The following LEMD3 variants were observed in gnomAD, a reference collection of about 807,000 sequenced individuals.
LEMD3 encodes the protein LEM domain containing 3.
LEMD3 carries 33 observed loss-of-function variants against 95.2 expected under a neutral mutation model. The observed-to-expected ratio is 0.35, with a 90% CI of 0.26 to 0.46. LEMD3 has a LOEUF of 0.46. Ranked by LOEUF, LEMD3 falls within the 20% of genes least tolerant of loss-of-function variation. The pLI is 1.00. For missense variants in LEMD3, 1,210 were observed against 1,192.8 expected (o/e 1.01, Z -0.21); for synonymous variants, 525 against 474.6 (o/e 1.11, Z -1.38).
chr12:65,235,600 T>C (rs12297011), intron 4 of LEMD3, among the ~76,000 whole-genome samples: 4,615 of 152,218 alleles, frequency 0.03, 234 homozygotes, highest in African/African-American at 0.11. Flanking sequence ...TTAGGTGTTA[T>C]AAGTAATCTA....
At chr12:65,231,002 G>C (rs1021494265) in intron 4 of LEMD3, among the ~76,000 whole-genome samples, 2 of 151,976 alleles carry the variant, frequency 1.3e-5, no homozygotes, top group Non-Finnish European at 2.9e-5. Context: ...GTAGCCTTTA[G>C]AAGATTTTTT....
chr12:65,172,690 CTG>C (rs1868590822), intron 1 of LEMD3, among the ~76,000 whole-genome samples: 1 of 151,626 alleles, frequency 6.6e-6, no homozygotes, highest in Non-Finnish European at 1.5e-5. Flanking sequence ...CTATCTGCAT[CTG>C]TGTCTCTAAC....
At chr12:65,213,522 G>A (rs1305313031) in intron 2 of LEMD3, among the ~76,000 whole-genome samples, 1 of 152,118 alleles carries the variant, frequency 6.6e-6, no homozygotes. Flanking sequence ...ACCGCACCCG[G>A]CCTTAAATAA....
chr12:65,241,085 A>G lies in LEMD3; in HGVS notation c.2303A>G (p.Gln768Arg). The part of the protein sequence containing the change: ...LVIPSKVWQG[Q>R]AFHLDRRNSP... ...ATACCTTCTAAAGTATGGCAAGGTC[A>G]AGGTATGTATTTTTAAACATCAAAA... The change falls in exon 9 of 13, where the codon CAA (glutamine) becomes CGA (arginine). Residue 768 changes from glutamine to arginine, a missense_variant and splice_region_variant. Around this residue, in one of 2 missense-constraint regions of LEMD3, gnomAD observed 461 missense variants for 569.8 expected, o/e 0.81. Coordinates refer to ENST00000308330, the MANE Select transcript of LEMD3 (RefSeq NM_014319.5). 6.2e-7 allele frequency: 1 copy of G among 1,613,138 alleles called. No homozygotes were observed.
intron 9 of LEMD3, among the ~76,000 whole-genome samples, chr12:65,241,700 G>C (rs1208496279): frequency 1.3e-5 from 2 of 152,128 alleles, no homozygotes; most frequent in African/African-American, 4.8e-5. Context: ...AGAAAACAAT[G>C]CATCAGAAAA....
intron 4 of LEMD3, among the ~76,000 whole-genome samples, chr12:65,221,475 G>A (rs1870285811): frequency 6.6e-6 from 1 of 151,422 alleles, no homozygotes; most frequent in Non-Finnish European, 1.5e-5. Flanking sequence ...CTCCTGCCTT[G>A]GCCTCCTAAA....
At chr12:65,235,626 A>G (rs934544707) in intron 4 of LEMD3, among the ~76,000 whole-genome samples, 1 of 152,162 alleles carries the variant, frequency 6.6e-6, no homozygotes, top group Non-Finnish European at 1.5e-5. Context: ...GATTTAAAGT[A>G]TAAAGAATGA....
At chr12:65,237,617 C>T (rs914135711) in intron 4 of LEMD3, among the ~76,000 whole-genome samples, 3 of 152,150 alleles carry the variant, frequency 2.0e-5, no homozygotes, top group Non-Finnish European at 4.4e-5. Context: ...ATGCATTGGT[C>T]ATTTTCAGAT....
At chr12:65,242,129 C>T (rs1248974440) in intron 9 of LEMD3, among the ~76,000 whole-genome samples, 1 of 152,176 alleles carries the variant, frequency 6.6e-6, no homozygotes, top group African/African-American at 2.4e-5. Context: ...ATAGAGAATT[C>T]CTTATTTTAC....
intron 4 of LEMD3, among the ~76,000 whole-genome samples, chr12:65,228,399 TTTA>T (rs148447009): frequency 6.7e-5 from 10 of 148,382 alleles, no homozygotes; most frequent in African/African-American, 2.2e-4. Flanking sequence ...TATTTATTTA[TTTA>T]TTTTTTTTTT....
chr12:65,182,173 G>A (rs1283755489), intron 1 of LEMD3, among the ~76,000 whole-genome samples: 1 of 152,068 alleles, frequency 6.6e-6, no homozygotes, highest in Non-Finnish European at 1.5e-5. Context: ...TAACTACCAG[G>A]CAGCAGTAGA....
intron 4 of LEMD3, among the ~76,000 whole-genome samples, chr12:65,227,089 CAG>C (rs1306522942): frequency 1.3e-5 from 2 of 151,928 alleles, no homozygotes; most frequent in African/African-American, 4.8e-5. Context: ...TTATAGGGCT[CAG>C]TGTTATGGGA....
At chr12:65,238,457 G>A (rs765708529) in intron 4 of LEMD3, 45 bp from the exon 5 acceptor site, 22 of 1,196,988 alleles carry the variant, frequency 1.8e-5, no homozygotes, top group South Asian at 1.2e-4. Flanking sequence ...ACAGAGAGTC[G>A]AATGTAGATT....
In LEMD3 at chr12:65,246,299, C is replaced by T. The variant is rs1454140114; in HGVS notation, c.2710C>T (p.Leu904=). 1.2e-6 allele frequency: 2 copies of T among 1,613,310 alleles called. No homozygotes were observed. Residue 904 remains leucine, a synonymous_variant, in exon 13 of 13, where the codon CTA becomes TTA. Coordinates refer to ENST00000308330, the MANE Select transcript of LEMD3 (RefSeq NM_014319.5). ...GTCTCATCTTCGTCTTCGGACTGGC[C>T]TAACCAATTCTCAAGGAAGTTCCTG... ...SMSHLRLRTG[L]TNSQGSS is the part of the protein sequence containing the mutation.
At chr12:65,194,274 G>C (rs2136326302) in intron 1 of LEMD3, among the ~76,000 whole-genome samples, 1 of 152,268 alleles carries the variant, frequency 6.6e-6, no homozygotes, top group African/African-American at 2.4e-5. Context: ...CTGTTGCCCA[G>C]ATAGAGCTGA....
chr12:65,200,450 AC>A (rs1272843043), intron 1 of LEMD3, among the ~76,000 whole-genome samples: 4 of 152,164 alleles, frequency 2.6e-5, no homozygotes, highest in Non-Finnish European at 4.4e-5. Context: ...AACACCAAGA[AC>A]CAGGATGACT....
At chr12:65,229,125 C>T (rs985402940) in intron 4 of LEMD3, among the ~76,000 whole-genome samples, 1 of 152,068 alleles carries the variant, frequency 6.6e-6, no homozygotes, top group Non-Finnish European at 1.5e-5. Flanking sequence ...ATTTGTCTTC[C>T]ACAAGTGAGA....
intron 10 of LEMD3, among the ~76,000 whole-genome samples, chr12:65,244,946 G>A (rs953716415): frequency 2.0e-5 from 3 of 152,004 alleles, no homozygotes; most frequent in Non-Finnish European, 2.9e-5. Context: ...GCGAGACCCT[G>A]TCTCAAATAA....
chr12:65,232,860 A>G (rs192889323), intron 4 of LEMD3, among the ~76,000 whole-genome samples: 3 of 152,302 alleles, frequency 2.0e-5, no homozygotes, highest in Admixed American at 2.0e-4. Context: ...CCTTTAACAC[A>G]ATGAATATGT....
Sources: gnomAD v4.1 joint callset for allele counts (sites outside exome capture counted in the v4.1 genomes callset) on GRCh38, gnomAD v4.1.1 for gene constraint, gnomAD v4.1.1 regional missense constraint, MANE v1.5 for transcripts, NCBI Gene and HGNC (gene_info 2026-07-23, HGNC 2026-07-21) for gene names.